DOCK3: variants seen among roughly 807,000 people sequenced by gnomAD.
DOCK3 encodes the protein dedicator of cytokinesis protein 3.
DOCK3 carries 60 observed loss-of-function variants against 265.6 expected under a neutral mutation model. That is an observed-to-expected ratio of 0.23 (90% confidence interval 0.18 to 0.28). The LOEUF (loss-of-function observed/expected upper bound fraction) is 0.28, where lower values mean the gene tolerates loss of function less well. Among genes scored for constraint, DOCK3 ranks in the 10% least tolerant of loss-of-function variants. DOCK3 has a pLI of 1.00. For synonymous variants in DOCK3, 881 were observed against 938.0 expected (o/e 0.94, Z 1.11); for missense variants, 1,981 against 2,594.3 (o/e 0.76, Z 5.14).
chr3:51,372,310 C>T (rs1199041236), intron 49 of DOCK3, among the ~76,000 whole-genome samples: 1 of 152,186 alleles, frequency 6.6e-6, no homozygotes, highest in Non-Finnish European at 1.5e-5. Flanking sequence ...TGAAAAGTAA[C>T]CATCACCTTC....
chr3:51,310,338 AG>A lies in DOCK3; in HGVS notation c.3017+15del. On this transcript the variant is annotated intron_variant, in intron 28 of 52. Coordinates refer to ENST00000266037, the MANE Select transcript of DOCK3 (RefSeq NM_004947.5). ...CTGCTCACAAGCAAGTAAGTATGGA[AG>A]GGCTCTGTATCAGCATCACTGAGCT... 1 of 1,574,768 alleles carries A rather than the reference AG, an allele frequency of 6.4e-7. No homozygotes were observed. The highest frequency in any genetic ancestry group is 8.6e-7 in the Non-Finnish European group (1 of 1,156,692).
At chr3:50,722,956 T>C (rs894407429) in intron 1 of DOCK3, among the ~76,000 whole-genome samples, 1 of 151,972 alleles carries the variant, frequency 6.6e-6, no homozygotes, top group African/African-American at 2.4e-5. Context: ...ACTTGTTTTA[T>C]AGAGACAGGG....
chr3:50,819,214 C>A (rs1054655865), intron 2 of DOCK3, among the ~76,000 whole-genome samples: 2 of 152,064 alleles, frequency 1.3e-5, no homozygotes, highest in Non-Finnish European at 1.5e-5. Flanking sequence ...TTGCTTGATT[C>A]CAGCTTCCAG....
chr3:51,366,320 G>C (rs963659735), intron 49 of DOCK3, among the ~76,000 whole-genome samples: 1 of 152,100 alleles, frequency 6.6e-6, no homozygotes, highest in East Asian at 1.9e-4. Context: ...ATTTCTGTGG[G>C]ATCGGTGGTG....
intron 12 of DOCK3, among the ~76,000 whole-genome samples, chr3:51,179,926 C>G (rs12492615): frequency 6.6e-6 from 1 of 151,164 alleles, no homozygotes; most frequent in Non-Finnish European, 1.5e-5. Flanking sequence ...AAACAAGGGC[C>G]GGCGGACGCG....
intron 15 of DOCK3, among the ~76,000 whole-genome samples, chr3:51,226,686 A>G (rs1335553552): frequency 6.6e-6 from 1 of 152,126 alleles, no homozygotes; most frequent in African/African-American, 2.4e-5. Flanking sequence ...ACAGGGACCT[A>G]CTCTGGCTTA....
intron 3 of DOCK3, among the ~76,000 whole-genome samples, chr3:50,855,213 T>C (rs2046529609): frequency 6.6e-6 from 1 of 152,184 alleles, no homozygotes; most frequent in African/African-American, 2.4e-5. Flanking sequence ...TGTAGATTAT[T>C]TTGGGCAGCA....
intron 5 of DOCK3, among the ~76,000 whole-genome samples, chr3:51,035,261 A>G (rs1575833041): frequency 6.6e-6 from 1 of 151,896 alleles, no homozygotes; most frequent in Non-Finnish European, 1.5e-5. Context: ...AATTTTTTCC[A>G]CAAGTCTTTG....
intron 7 of DOCK3, among the ~76,000 whole-genome samples, chr3:51,083,472 C>T (rs2082312209): frequency 6.6e-6 from 1 of 151,944 alleles, no homozygotes; most frequent in South Asian, 2.1e-4. Context: ...AATGAAATCC[C>T]TGAAAAATAA....
intron 5 of DOCK3, among the ~76,000 whole-genome samples, chr3:51,054,432 A>G (rs941480229): frequency 3.3e-5 from 5 of 152,158 alleles, no homozygotes; most frequent in African/African-American, 9.7e-5. Flanking sequence ...AAATTTTACA[A>G]TGATTTGCTG....
At chr3:51,337,096 C>T (rs570274983) in intron 35 of DOCK3, among the ~76,000 whole-genome samples, 3 of 152,244 alleles carry the variant, frequency 2.0e-5, no homozygotes, top group South Asian at 4.1e-4. Flanking sequence ...ACATAGGAAC[C>T]AAATATCTTA....
chr3:50,858,173 C>T (rs1473102310), intron 3 of DOCK3, among the ~76,000 whole-genome samples: 3 of 151,960 alleles, frequency 2.0e-5, no homozygotes, highest in Non-Finnish European at 2.9e-5. Context: ...CAAACTGTCA[C>T]GAGGACAGAA....
At chr3:50,702,761 T>C (rs1407761328) in intron 1 of DOCK3, among the ~76,000 whole-genome samples, 2 of 152,140 alleles carry the variant, frequency 1.3e-5, no homozygotes, top group Non-Finnish European at 2.9e-5. Flanking sequence ...TTTCCAGCTT[T>C]TTCTGTGTAT....
chr3:51,044,199 T>C (rs1429174461), intron 5 of DOCK3, among the ~76,000 whole-genome samples: 1 of 152,128 alleles, frequency 6.6e-6, no homozygotes, highest in Non-Finnish European at 1.5e-5. Context: ...AGTGATAGAT[T>C]GGATAAAGAA....
chr3:51,246,294 G>T (rs912490214), intron 21 of DOCK3, among the ~76,000 whole-genome samples: 1 of 148,858 alleles, frequency 6.7e-6, no homozygotes, highest in African/African-American at 2.5e-5. Context: ...GTGCAGTGGC[G>T]CAGTCATGGC....
intron 27 of DOCK3, among the ~76,000 whole-genome samples, chr3:51,297,776 A>G (rs1560381941): frequency 1.2e-5 from 1 of 80,866 alleles, no homozygotes. Flanking sequence ...CTTTACAAAA[A>G]TAATAATAAT....
rs552851811 is a variant in DOCK3 at position 51,036,443 on chromosome 3, A to G, written c.316-28005A>G. On this transcript the variant is annotated intron_variant, in intron 5 of 52. Transcript: ENST00000266037. The stretch of plus-strand genomic sequence containing the variant: ...TATTCATTGCCTGACAGTCTGAGAG[A>G]TGATTCATTTAAATGGGTGAACATT... Among the ~76,000 whole-genome samples, 6 of 152,296 alleles carry G rather than the reference A, an allele frequency of 3.9e-5. No individual in the cohort carries two copies. In the South Asian group the frequency reaches 1.2e-3, roughly 32 times the overall value.
intron 5 of DOCK3, among the ~76,000 whole-genome samples, chr3:50,990,180 T>C (rs572968673): frequency 2.2e-4 from 33 of 152,298 alleles, no homozygotes; most frequent in African/African-American, 7.0e-4. Flanking sequence ...CTGTGAATCA[T>C]TGGCATCCCT....
chr3:51,159,337 G>T, intron 11 of DOCK3, 33 bp downstream of exon 11: 2 of 1,600,992 alleles, frequency 1.2e-6, no homozygotes, highest in Non-Finnish European at 1.7e-6. Flanking sequence ...ACATGACTAA[G>T]AATGGCCCAA....
Sources: allele counts gnomAD v4.1 joint callset (sites outside exome capture counted in the v4.1 genomes callset), GRCh38; gene constraint gnomAD v4.1.1; transcripts MANE v1.5; gene names NCBI Gene and HGNC (gene_info 2026-07-23, HGNC 2026-07-21).